The following EVX1 variants were observed in gnomAD, a reference collection of about 807,000 sequenced individuals.
EVX1 encodes even-skipped homeobox 1, also known as homeobox even-skipped homolog protein 1.
Under a neutral mutation model 28.6 loss-of-function variants are expected in EVX1, and 19 were observed. The observed-to-expected ratio is 0.67, with a 90% CI of 0.46 to 0.98. The LOEUF (loss-of-function observed/expected upper bound fraction) is 0.98. EVX1 is among the 50% of genes least tolerant of loss of function. EVX1 has a pLI of 0.00. For missense variants in EVX1, 660 were observed against 583.0 expected, an observed-to-expected ratio of 1.13 and a Z score of -1.36; for synonymous variants, 324 against 278.2, an observed-to-expected ratio of 1.16 and a Z score of -1.64.
Position 27,246,132 on chromosome 7 carries a change from C to G in EVX1, c.931C>G (p.Arg311Gly), listed in dbSNP as rs537610929. The change falls in exon 3 of 3, where the codon CGC becomes GGC. Residue 311 changes from arginine to glycine, a missense_variant. By Grantham distance (125) the Arg-to-Gly change is moderately radical. This residue lies in a region of EVX1 where 299 missense variants were observed against 241.3 expected (regional missense o/e 1.24). Transcript: ENST00000496902. ...SGSLRPLDTF[R>G]VLSQPYPRPE... ...CTCGCTGCGCCCGCTCGACACGTTC[C>G]GCGTGCTGTCGCAGCCCTACCCGCG... is the stretch of plus-strand genomic sequence containing the variant. 6.5e-7 allele frequency: 1 copy of G among 1,530,914 alleles called. No homozygotes were observed. Among genetic ancestry groups the G allele is most frequent in the South Asian group, 1.2e-5 (1 of 83,180 alleles). The allele number at this position is 1,530,914 out of a possible 1,614,324, so 94.8% of individuals were successfully genotyped here.
Position 27,242,836 on chromosome 7 carries a change from C to T in EVX1, c.-195C>T. The T allele has an allele frequency of 1.7e-6, 1 of 581,994 alleles. No homozygotes were observed. Among genetic ancestry groups the T allele is most frequent in the Non-Finnish European group, 2.9e-6 (1 of 341,204 alleles). The allele number at this position is 581,994 out of a possible 1,614,324, so 36.1% of individuals were successfully genotyped here. ...GCGGCACAGAGGAGCGCTCGCTTCA[C>T]AAGGTGACCCTAGCTCCCACCGCCA... On this transcript the variant is annotated 5_prime_UTR_variant, in exon 1 of 3. Transcript: ENST00000496902.
Position 27,243,144 on chromosome 7 carries a change from G to A in EVX1, c.114G>A (p.Pro38=). The A allele has an allele frequency of 6.2e-7, 1 of 1,602,032 alleles. No individual in the cohort carries two copies. The highest frequency in any genetic ancestry group is 8.5e-7 in the Non-Finnish European group (1 of 1,174,296). ...SEAVGSPLPE[P]PEKMVPRGCL... ...CCGTGGGCAGCCCGCTGCCGGAGCCGCCCGAGAAAATGGTGCCCCGTGGTT... is the reference window on the plus strand; with the variant it reads ...CCGTGGGCAGCCCGCTGCCGGAGCCACCCGAGAAAATGGTGCCCCGTGGTT... Residue 38 remains proline, a synonymous_variant, in exon 1 of 3, where the codon CCG becomes CCA. Transcript: ENST00000496902.
intron 2 of EVX1, 131 bp downstream of exon 2, chr7:27,245,435 AC>A: frequency 1.5e-6 from 2 of 1,312,612 alleles, no homozygotes; most frequent in Admixed American, 4.2e-5. Context: ...GTGCAGATTG[AC>A]CCTCGTGACA....
Position 27,243,112 on chromosome 7 carries a change from T to C in EVX1, c.82T>C (p.Ser28Pro), listed in dbSNP as rs1041722253. 6.2e-7 allele frequency: 1 copy of C among 1,611,726 alleles called. No homozygotes were observed. The highest frequency in any genetic ancestry group is 8.5e-7 in the Non-Finnish European group (1 of 1,179,076). The change falls in exon 1 of 3, where the codon TCC becomes CCC. Residue 28 changes from serine (S) to proline (P), a missense_variant. Physicochemically the swap from Ser to Pro is moderately conservative, Grantham distance 74 (BLOSUM62 -1). This residue lies in a region of EVX1 where 308 missense variants were observed against 256.6 expected (regional missense o/e 1.20). Transcript: ENST00000496902. ...TLVGKRVSNL[S>P]EAVGSPLPEP... Reference sequence around the variant, plus strand: ...GGTTGGCAAGAGAGTCTCAAATTTGTCCGAAGCCGTGGGCAGCCCGCTGCC... The same window carrying C: ...GGTTGGCAAGAGAGTCTCAAATTTGCCCGAAGCCGTGGGCAGCCCGCTGCC...
In EVX1 at chr7:27,245,998, C is replaced by G; in HGVS notation, c.797C>G (p.Ala266Gly). Residue 266 changes from alanine (A) to glycine (G), a missense_variant, in exon 3 of 3, where the codon GCG becomes GGG. Physicochemically the swap from Ala to Gly is moderately conservative, Grantham distance 60. Transcript: ENST00000496902. ...YTYMMSHAAA[A>G]GGLPYPFPSH... ...TACATGATGAGCCATGCGGCGGCCG[C>G]GGGCGGCCTGCCCTACCCCTTCCCA... 5 of 1,601,772 alleles carry G rather than the reference C, an allele frequency of 3.1e-6. No homozygotes were observed. Among genetic ancestry groups the G allele is most frequent in the Non-Finnish European group, 3.4e-6 (4 of 1,179,674 alleles).
Position 27,243,006 on chromosome 7 carries a change from C to G in EVX1, c.-25C>G. The G allele has an allele frequency of 6.5e-7, 1 of 1,527,154 alleles. No homozygotes were observed. The highest frequency in any genetic ancestry group is 8.8e-7 in the Non-Finnish European group (1 of 1,137,170). 94.6% of individuals were successfully genotyped at this position (1,527,154 alleles called of 1,614,324 possible). On this transcript the variant is annotated 5_prime_UTR_variant, in exon 1 of 3. Transcript: ENST00000496902. ...GGTTAGGAACTCACTTGGGGCTTTC[C>G]CCTCCCCCACCGGAGAGCCCCGGGA...
intron 1 of EVX1, among the ~76,000 whole-genome samples, chr7:27,244,749 GA>G (rs912331648): frequency 6.6e-6 from 1 of 152,222 alleles, no homozygotes; most frequent in Non-Finnish European, 1.5e-5. Flanking sequence ...ACGGGAGGCA[GA>G]AATCTCACCT....
rs1470818143 is a variant in EVX1, at chr7:27,242,952, G to T, written c.-79G>T. ...TTTCTCCCTCTTGCAACCAAGATCCGTCCGGCCGCTGGAGACCCAGGGAGC... is the reference window on the plus strand; with the variant it reads ...TTTCTCCCTCTTGCAACCAAGATCCTTCCGGCCGCTGGAGACCCAGGGAGC... On this transcript the variant is annotated 5_prime_UTR_variant, in exon 1 of 3. Coordinates refer to ENST00000496902, the MANE Select transcript of EVX1 (RefSeq NM_001989.5). The T allele has an allele frequency of 1.4e-5, 19 of 1,385,006 alleles. No homozygotes were observed. Among genetic ancestry groups the T allele is most frequent in the Non-Finnish European group, 1.8e-5 (19 of 1,051,898 alleles). The allele number at this position is 1,385,006 out of a possible 1,614,324, so 85.8% of individuals were successfully genotyped here.
rs761895760 is a variant in EVX1, at chr7:27,246,272, C to A, written c.1071C>A (p.Ala357=). The part of the protein sequence containing the change: ...CSCLACHSGP[A]NGLAPRAAAA... The stretch of plus-strand genomic sequence containing the variant: ...GCCTCGCCTGTCACAGCGGCCCGGC[C>A]AACGGGCTGGCGCCCCGGGCTGCCG... The change falls in exon 3 of 3, where the codon GCC becomes GCA. Residue 357 remains alanine (A), a synonymous_variant. Coordinates refer to ENST00000496902, the MANE Select transcript of EVX1 (RefSeq NM_001989.5). 75 of 1,569,746 alleles carry A rather than the reference C, an allele frequency of 4.8e-5. No individual in the cohort carries two copies. The highest frequency in any genetic ancestry group is 6.2e-5 in the Non-Finnish European group (72 of 1,165,758).
At position 27,245,389 on chromosome 7, in the gene EVX1, C is replaced by G. The variant is rs983500239; in HGVS notation, c.684+85C>G. The G allele has an allele frequency of 4.5e-6, 7 of 1,561,506 alleles. No homozygotes were observed. In the Admixed American group the frequency reaches 1.2e-4, roughly 27 times the overall value. ...AACTGCCAACTCCCTGAAACGCAGG[C>G]CAGGAATCTGGGCCTGGGGTCTCCC... On this transcript the variant is annotated intron_variant, in intron 2 of 2. Transcript: ENST00000496902.
rs1783157984 is a variant in EVX1, at chr7:27,245,882, C to T, written c.685-4C>T. 3.1e-6 allele frequency: 5 copies of T among 1,610,660 alleles called. No homozygotes were observed. The East Asian group carries it at 8.9e-5, about 29-fold the overall frequency. ...TACTGAACCTGCTCCGCTCCTCTCC[C>T]CAGGTGTGGTTCCAGAACCGGCGCA... On this transcript the variant is annotated splice_polypyrimidine_tract_variant and splice_region_variant and intron_variant, in intron 2 of 2. Transcript: ENST00000496902.
At position 27,247,347 on chromosome 7, in the gene EVX1, C is replaced by T. The variant is rs1221066786; in HGVS notation, c.*922C>T. ...CCAGAGCTGAGCTGTTAACAAGGCG[C>T]CCAGGGAAGAGCTTAGGGAGTGGGA... is the stretch of plus-strand genomic sequence containing the variant. On this transcript the variant is annotated 3_prime_UTR_variant, in exon 3 of 3. Coordinates refer to ENST00000496902, the MANE Select transcript of EVX1 (RefSeq NM_001989.5). 1 of 152,136 alleles carries T rather than the reference C, an allele frequency of 6.6e-6. No individual in the cohort carries two copies. Among genetic ancestry groups the T allele is most frequent in the Non-Finnish European group, 1.5e-5 (1 of 68,062 alleles). The allele number at this position is 152,136 out of a possible 1,614,324, so 9.4% of individuals were successfully genotyped here.
intron 1 of EVX1, chr7:27,244,662 TTGACCCAGAG>T: frequency 8.6e-6 from 3 of 346,836 alleles, no homozygotes; most frequent in Non-Finnish European, 1.4e-5. Flanking sequence ...TACAATGCAC[TTGACCCAGAG>T]TTTACAACCC....
Position 27,246,232 on chromosome 7 carries a change from G to C in EVX1, c.1031G>C (p.Gly344Ala). ...GCGCACGGACTGGGCGCCTCTGCCG[G>C]CGGCCCCTGCTCCTGCCTCGCCTGT... ...GPAHGLGASA[G>A]GPCSCLACHS... The change falls in exon 3 of 3, where the codon GGC becomes GCC. Residue 344 changes from glycine to alanine, a missense_variant. Around this residue, in one of 3 missense-constraint regions of EVX1, gnomAD observed 299 missense variants for 241.3 expected, o/e 1.24. Transcript: ENST00000496902. 1 of 1,519,338 alleles carries C rather than the reference G, an allele frequency of 6.6e-7. No individual in the cohort carries two copies. 94.1% of individuals were successfully genotyped at this position (1,519,338 alleles called of 1,614,324 possible).
At chr7:27,245,502 T>C (rs1234199024) in intron 2 of EVX1, among the ~76,000 whole-genome samples, 198 bp downstream of exon 2, 1 of 152,082 alleles carries the variant, frequency 6.6e-6, no homozygotes, top group African/African-American at 2.4e-5. Context: ...CCTGGTTAAA[T>C]AGACAAGGGG....
At position 27,243,121 on chromosome 7, in the gene EVX1, G is replaced by C. The variant is rs778719946; in HGVS notation, c.91G>C (p.Val31Leu). 3 of 1,611,014 alleles carry C rather than the reference G, an allele frequency of 1.9e-6. No homozygotes were observed. Among genetic ancestry groups the C allele is most frequent in the Non-Finnish European group, 2.5e-6 (3 of 1,178,772 alleles). The change falls in exon 1 of 3, where the codon GTG becomes CTG. Residue 31 changes from valine to leucine, a missense_variant. Val to Leu is a conservative substitution (Grantham distance 32). Around this residue, in one of 3 missense-constraint regions of EVX1, gnomAD observed 308 missense variants for 256.6 expected, o/e 1.20. Transcript: ENST00000496902. ...GKRVSNLSEA[V>L]GSPLPEPPEK... is the part of the protein sequence containing the mutation. ...GAGAGTCTCAAATTTGTCCGAAGCC[G>C]TGGGCAGCCCGCTGCCGGAGCCGCC...
At chr7:27,245,753 G>A (rs1440541916) in intron 2 of EVX1, 133 bp from the exon 3 acceptor site, 2 of 1,245,446 alleles carry the variant, frequency 1.6e-6, no homozygotes, top group African/African-American at 1.5e-5. Flanking sequence ...TGGTGGGGTC[G>A]GTCTCTACCC....
Position 27,246,662 on chromosome 7 carries a change from C to A in EVX1, c.*237C>A. On this transcript the variant is annotated 3_prime_UTR_variant, in exon 3 of 3. Transcript: ENST00000496902. ...GGATAGGGAAGCAGAGCTTGAGAGA[C>A]CTTCCTCCGGGGCAGCCTCCGGACC... 1 of 535,080 alleles carries A rather than the reference C, an allele frequency of 1.9e-6. No homozygotes were observed. The highest frequency in any genetic ancestry group is 3.2e-6 in the Non-Finnish European group (1 of 311,258). 33.1% of individuals were successfully genotyped at this position (535,080 alleles called of 1,614,324 possible). A position where few individuals can be genotyped will look rare whatever the true frequency, so the allele number is the denominator to read the frequency against.
Position 27,243,332 on chromosome 7 carries a change from T to C in EVX1, c.302T>C (p.Val101Ala), listed in dbSNP as rs777123254. Reference protein sequence around the residue: ...MLGPGPPAPSVDSLSGQGQPS... With the variant: ...MLGPGPPAPSADSLSGQGQPS... ...GGCCCAGGACCCCCGGCCCCCTCAG[T>C]CGACAGCCTCTCCGGACAGGGGCAA... Residue 101 changes from valine to alanine, a missense_variant, in exon 1 of 3, where the codon GTC becomes GCC. Physicochemically the swap from Val to Ala is moderately conservative, Grantham distance 64. This residue lies in a region of EVX1 where 308 missense variants were observed against 256.6 expected (regional missense o/e 1.20). Transcript: ENST00000496902. The C allele has an allele frequency of 3.1e-6, 5 of 1,597,450 alleles. No individual in the cohort carries two copies. The South Asian group carries it at 5.6e-5, about 18-fold the overall frequency.
Sources: allele counts gnomAD v4.1 joint callset (sites outside exome capture counted in the v4.1 genomes callset), GRCh38; gene constraint gnomAD v4.1.1; regional missense constraint gnomAD v4.1.1; transcripts MANE v1.5; gene names NCBI Gene and HGNC (gene_info 2026-07-23, HGNC 2026-07-21).